LRRC47: variants seen among roughly 807,000 people sequenced by gnomAD.
LRRC47 encodes the protein leucine rich repeat containing 47.
LRRC47 carries 31 observed loss-of-function variants against 40.9 expected under a neutral mutation model. The ratio of observed to expected loss-of-function variants is 0.76; its 90% confidence interval spans 0.57 to 1.02. The LOEUF (loss-of-function observed/expected upper bound fraction) is 1.02, where lower values mean the gene tolerates loss of function less well. LRRC47 is among the 50% of genes least tolerant of loss of function. The pLI, the probability that LRRC47 is intolerant of heterozygous loss-of-function variation, is 0.00. For missense variants in LRRC47, 726 were observed against 796.1 expected (o/e 0.91, Z 1.06); for synonymous variants, 427 against 371.9 (o/e 1.15, Z -1.70).
intron 2 of LRRC47, 147 bp downstream of exon 2, chr1:3,786,702 A>G: frequency 3.9e-6 from 3 of 761,612 alleles, no homozygotes; most frequent in East Asian, 5.4e-5. Context: ...CCCTTTTTGG[A>G]GCTGAGGAAA....
intron 1 of LRRC47, among the ~76,000 whole-genome samples, chr1:3,791,848 G>C (rs1643629800): frequency 1.3e-5 from 2 of 152,166 alleles, no homozygotes; most frequent in Admixed American, 6.6e-5. Flanking sequence ...CAACCTCCCA[G>C]GTTTAAGCGT....
chr1:3,790,937 A>G (rs1003981326), intron 1 of LRRC47, among the ~76,000 whole-genome samples: 5 of 152,206 alleles, frequency 3.3e-5, no homozygotes, highest in African/African-American at 1.2e-4. Context: ...CAGTCCTCCC[A>G]AAGAACCGGA....
intron 1 of LRRC47, among the ~76,000 whole-genome samples, chr1:3,795,266 G>T (rs1183858720): frequency 6.6e-6 from 1 of 152,112 alleles, no homozygotes; most frequent in Non-Finnish European, 1.5e-5. Context: ...TTATCGCGGG[G>T]CCTGGGGATC....
intron 2 of LRRC47, 148 bp from the exon 3 acceptor site, chr1:3,785,351 G>A: frequency 4.7e-6 from 2 of 426,252 alleles, no homozygotes; most frequent in Non-Finnish European, 8.1e-6. Flanking sequence ...TCCGAGACAG[G>A]GCTCCCCTCC....
Position 3,778,582 on chromosome 1 carries a change from G to A in LRRC47, c.*2506C>T, listed in dbSNP as rs1473229644. On this transcript the variant is annotated 3_prime_UTR_variant, in exon 7 of 7. Coordinates refer to ENST00000378251, the MANE Select transcript of LRRC47 (RefSeq NM_020710.3). ...GCCAGGTGCGGAGCTGTTTTTATTAGTGAGTCGGGGGGTGGGGTGGGGTGA... is the reference window on the plus strand; with the variant it reads ...GCCAGGTGCGGAGCTGTTTTTATTAATGAGTCGGGGGGTGGGGTGGGGTGA... 6.5e-6 allele frequency: 1 copy of A among 153,870 alleles called. No homozygotes were observed. The highest frequency in any genetic ancestry group is 2.4e-5 in the African/African-American group (1 of 41,508). The allele number at this position is 153,870 out of a possible 1,614,324, so 9.5% of individuals were successfully genotyped here.
intron 1 of LRRC47, among the ~76,000 whole-genome samples, chr1:3,791,450 C>A (rs915278147): frequency 6.6e-6 from 1 of 152,190 alleles, no homozygotes. Context: ...CCTTTCCTCC[C>A]CCTTCTTTCT....
chr1:3,792,506 G>A (rs976050392), intron 1 of LRRC47, among the ~76,000 whole-genome samples: 1 of 143,500 alleles, frequency 7.0e-6, no homozygotes, highest in African/African-American at 2.7e-5. Flanking sequence ...TCTCACCCAG[G>A]CTGGAGTGCA....
At chr1:3,788,110 C>G (rs896751224) in intron 1 of LRRC47, among the ~76,000 whole-genome samples, 2 of 152,242 alleles carry the variant, frequency 1.3e-5, no homozygotes, top group African/African-American at 4.8e-5. Flanking sequence ...TTCCCAGGGT[C>G]TGGGCAGCGC....
chr1:3,787,259 C>A lies in LRRC47; in HGVS notation c.667G>T (p.Asp223Tyr), dbSNP rs1643584809. The change falls in exon 2 of 7, where the codon GAC (aspartate) becomes TAC (tyrosine). Residue 223 changes from aspartate (D) to tyrosine (Y), a missense_variant. By Grantham distance (160) the Asp-to-Tyr change is radical. Coordinates refer to ENST00000378251, the MANE Select transcript of LRRC47 (RefSeq NM_020710.3). ...QLSEIPAELA[D>Y]CPKLKEINFR... ...TTGATCTCCTTGAGCTTGGGGCAGT[C>A]CGCAAGCTCTGCAGGGATCTCGCTC... 3.7e-6 allele frequency: 6 copies of A among 1,613,428 alleles called. No homozygotes were observed. Among genetic ancestry groups the A allele is most frequent in the South Asian group, 3.3e-5 (3 of 91,076 alleles).
At chr1:3,789,585 C>T (rs762983256) in intron 1 of LRRC47, among the ~76,000 whole-genome samples, 7 of 152,206 alleles carry the variant, frequency 4.6e-5, no homozygotes, top group Non-Finnish European at 1.0e-4. Flanking sequence ...AGGATGATGG[C>T]GGGCACTCGG....
chr1:3,791,098 G>T (rs970963197), intron 1 of LRRC47, among the ~76,000 whole-genome samples: 1 of 151,934 alleles, frequency 6.6e-6, no homozygotes, highest in African/African-American at 2.4e-5. Flanking sequence ...GCCCCGAGAC[G>T]ACACACGGAG....
At chr1:3,782,991 T>G (rs951361476) in intron 4 of LRRC47, 1 of 568,986 alleles carries the variant, frequency 1.8e-6, no homozygotes, top group Middle Eastern at 4.7e-4. Context: ...TAAAGAGGAG[T>G]GAACCAGCCC....
rs1289162328 is a variant in LRRC47, at chr1:3,786,936, C to T, written c.990G>A (p.Arg330=). 1 of 1,608,778 alleles carries T rather than the reference C, an allele frequency of 6.2e-7. No homozygotes were observed. The highest frequency in any genetic ancestry group is 2.2e-5 in the East Asian group (1 of 44,594). Residue 330 remains arginine, a synonymous_variant, in exon 2 of 7, where the codon CGG becomes CGA. Coordinates refer to ENST00000378251, the MANE Select transcript of LRRC47 (RefSeq NM_020710.3). The part of the protein sequence containing the change: ...PLTVRVSPEV[R]DVRPYIVGAV... The stretch of plus-strand genomic sequence containing the variant: ...CCCCCACAATGTAGGGCCGCACATC[C>T]CGGACCTCGGGGCTCACTCTGACTG...
rs188946813 is a variant in LRRC47, at chr1:3,780,157, T to A, written c.*931A>T. On this transcript the variant is annotated 3_prime_UTR_variant, in exon 7 of 7. Coordinates refer to ENST00000378251, the MANE Select transcript of LRRC47 (RefSeq NM_020710.3). ...CCAGTGACAGTCACGTGTCGCTCAGTGACACATGAGAAACGTGTGCTTAGC... is the reference window on the plus strand; with the variant it reads ...CCAGTGACAGTCACGTGTCGCTCAGAGACACATGAGAAACGTGTGCTTAGC... The A allele has an allele frequency of 1.9e-3, 294 of 152,330 alleles. 1 individual carries two copies. The highest frequency in any genetic ancestry group is 6.8e-3 in the African/African-American group (283 of 41,574). The allele number at this position is 152,330 out of a possible 1,614,324, so 9.4% of individuals were successfully genotyped here.
rs80020130 is a variant in LRRC47, at chr1:3,784,560, G to A, written c.1195-449C>T. 9.2e-3 allele frequency among the ~76,000 whole-genome samples: 1,204 copies of A among 131,448 alleles called. 40 individuals carry two copies. The East Asian group carries it at 0.093, about 10-fold the overall frequency. The allele number at this position is 131,448 out of a possible 152,430, so 86.2% of individuals were successfully genotyped here. A position where few individuals can be genotyped will look rare whatever the true frequency, so the allele number is the denominator to read the frequency against. ...CCAAAATTTCTGATTAAAAGGTAGT[G>A]AGCGAGTGAAGGAAACCATTTTCCC... On this transcript the variant is annotated intron_variant, in intron 3 of 6. Coordinates refer to ENST00000378251, the MANE Select transcript of LRRC47 (RefSeq NM_020710.3).
chr1:3,780,150 C>G lies in LRRC47; in HGVS notation c.*938G>C, dbSNP rs370170310. ...CTCCGAACCAGTGACAGTCACGTGTCGCTCAGTGACACATGAGAAACGTGT... is the reference window on the plus strand; with the variant it reads ...CTCCGAACCAGTGACAGTCACGTGTGGCTCAGTGACACATGAGAAACGTGT... On this transcript the variant is annotated 3_prime_UTR_variant, in exon 7 of 7. Coordinates refer to ENST00000378251, the MANE Select transcript of LRRC47 (RefSeq NM_020710.3). The G allele has an allele frequency of 1.3e-5, 2 of 152,190 alleles. No individual in the cohort carries two copies. Among genetic ancestry groups the G allele is most frequent in the East Asian group, 1.9e-4 (1 of 5,180 alleles). 9.4% of individuals were successfully genotyped at this position (152,190 alleles called of 1,614,324 possible).
At chr1:3,792,689 G>C (rs1371518992) in intron 1 of LRRC47, among the ~76,000 whole-genome samples, 2 of 152,166 alleles carry the variant, frequency 1.3e-5, no homozygotes, top group African/African-American at 2.4e-5. Context: ...TCGATCTCTT[G>C]ACCTCGTGAT....
Position 3,783,981 on chromosome 1 carries a change from A to C in LRRC47, c.1310+15T>G, listed in dbSNP as rs768456710. Reference sequence around the variant, plus strand: ...CCCCCGGGCCCGGCCCCACCCCACCAGGCACGCTGCCCACCTGTGCAGGCC... The same window carrying C: ...CCCCCGGGCCCGGCCCCACCCCACCCGGCACGCTGCCCACCTGTGCAGGCC... On this transcript the variant is annotated intron_variant, in intron 4 of 6. Coordinates refer to ENST00000378251, the MANE Select transcript of LRRC47 (RefSeq NM_020710.3). 1.3e-6 allele frequency: 2 copies of C among 1,594,420 alleles called. No individual in the cohort carries two copies. The highest frequency in any genetic ancestry group is 1.7e-6 in the Non-Finnish European group (2 of 1,173,798).
chr1:3,787,436 C>T lies in LRRC47; in HGVS notation c.616-126G>A, dbSNP rs144409696. 1,248 of 911,058 alleles carry T rather than the reference C, an allele frequency of 1.4e-3. 5 individuals carry two copies. Among genetic ancestry groups the T allele is most frequent in the Non-Finnish European group, 1.9e-3 (1,158 of 619,722 alleles). The allele number at this position is 911,058 out of a possible 1,614,324, so 56.4% of individuals were successfully genotyped here. On this transcript the variant is annotated intron_variant, in intron 1 of 6. Coordinates refer to ENST00000378251, the MANE Select transcript of LRRC47 (RefSeq NM_020710.3). ...CACCACTGGCCTGTCTGTGGGGACGCGTCCCTGGGGAGCCACAAGTCATTC... is the reference window on the plus strand; with the variant it reads ...CACCACTGGCCTGTCTGTGGGGACGTGTCCCTGGGGAGCCACAAGTCATTC...
Sources: gnomAD v4.1 joint callset for allele counts (sites outside exome capture counted in the v4.1 genomes callset) on GRCh38, gnomAD v4.1.1 for gene constraint, MANE v1.5 for transcripts, NCBI Gene and HGNC (gene_info 2026-07-23, HGNC 2026-07-21) for gene names.